The following MDGA2 variants were observed in gnomAD, a reference collection of about 807,000 sequenced individuals.
MDGA2 encodes MAM domain-containing glycosylphosphatidylinositol anchor protein 2.
Under a neutral mutation model 117.8 loss-of-function variants are expected in MDGA2, and 40 were observed. The ratio of observed to expected loss-of-function variants is 0.34; its 90% confidence interval spans 0.26 to 0.44. The LOEUF (loss-of-function observed/expected upper bound fraction) is 0.44. Ranked by LOEUF, MDGA2 falls within the 20% of genes least tolerant of loss-of-function variation. The pLI is 1.00. For synonymous variants in MDGA2, 452 were observed against 439.0 expected, an observed-to-expected ratio of 1.03 and a Z score of -0.37; for missense variants, 1,123 against 1,250.6, an observed-to-expected ratio of 0.90 and a Z score of 1.54.
intron 1 of MDGA2, among the ~76,000 whole-genome samples, chr14:47,308,502 GTTT>G (rs68070912): frequency 8.9e-5 from 10 of 112,914 alleles, no homozygotes; most frequent in Admixed American, 1.9e-4. Flanking sequence ...CTTTCTGTTA[GTTT>G]TTTTTTTTTT....
chr14:47,373,838 G>A (rs1452530062), intron 1 of MDGA2, among the ~76,000 whole-genome samples: 3 of 152,150 alleles, frequency 2.0e-5, no homozygotes, highest in African/African-American at 2.4e-5. Context: ...AATACTCGAT[G>A]TAGCTGAAAG....
chr14:47,609,559 G>A (rs1896810649), intron 1 of MDGA2, among the ~76,000 whole-genome samples: 1 of 148,868 alleles, frequency 6.7e-6, no homozygotes, highest in Non-Finnish European at 1.5e-5. Flanking sequence ...GTGTGTGCTA[G>A]TATCTTTTTT....
intron 2 of MDGA2, among the ~76,000 whole-genome samples, chr14:47,249,881 A>C (rs1887387324): frequency 6.6e-6 from 1 of 152,232 alleles, no homozygotes; most frequent in African/African-American, 2.4e-5. Context: ...TGATAACTAG[A>C]GAAGGTAATA....
intron 9 of MDGA2, among the ~76,000 whole-genome samples, chr14:46,952,072 C>A (rs1284672308): frequency 6.6e-6 from 1 of 151,756 alleles, no homozygotes; most frequent in East Asian, 1.9e-4. Context: ...AACCATAGTT[C>A]AAGGATTTTC....
intron 1 of MDGA2, among the ~76,000 whole-genome samples, chr14:47,575,985 T>G (rs1048053044): frequency 6.6e-6 from 1 of 152,208 alleles, no homozygotes; most frequent in Non-Finnish European, 1.5e-5. Flanking sequence ...CTATTATATA[T>G]ATTCCTTTAT....
intron 3 of MDGA2, among the ~76,000 whole-genome samples, chr14:47,179,401 A>G (rs972687879): frequency 7.2e-5 from 11 of 151,896 alleles, no homozygotes; most frequent in Admixed American, 4.6e-4. Flanking sequence ...AAACATCCTC[A>G]TTTTTTTCAT....
chr14:47,594,948 C>T (rs1222806088), intron 1 of MDGA2, among the ~76,000 whole-genome samples: 5 of 152,126 alleles, frequency 3.3e-5, no homozygotes, highest in Non-Finnish European at 7.4e-5. Context: ...AACCTTTTGG[C>T]CTTTATTAGT....
chr14:47,112,308 G>A (rs1393538342), intron 5 of MDGA2, among the ~76,000 whole-genome samples: 7 of 152,100 alleles, frequency 4.6e-5, no homozygotes, highest in Non-Finnish European at 1.0e-4. Flanking sequence ...ATAGGTAAAC[G>A]TGTGCCATGG....
At chr14:47,434,060 A>G (rs1431327085) in intron 1 of MDGA2, among the ~76,000 whole-genome samples, 1 of 152,100 alleles carries the variant, frequency 6.6e-6, no homozygotes, top group Non-Finnish European at 1.5e-5. Context: ...TCATATCTGA[A>G]AAAAGTCACT....
chr14:47,049,927 CT>C (rs1889396971), intron 7 of MDGA2, among the ~76,000 whole-genome samples: 1 of 152,006 alleles, frequency 6.6e-6, no homozygotes, highest in South Asian at 2.1e-4. Flanking sequence ...TTTTCTAAAG[CT>C]TTTGGCCCTG....
chr14:47,533,062 T>A (rs1225824912), intron 1 of MDGA2, among the ~76,000 whole-genome samples: 1 of 152,196 alleles, frequency 6.6e-6, no homozygotes, highest in Admixed American at 6.5e-5. Context: ...AATCCTGGGA[T>A]TATTTATTTC....
chr14:47,443,424 A>G (rs1298645726), intron 1 of MDGA2, among the ~76,000 whole-genome samples: 2 of 152,132 alleles, frequency 1.3e-5, no homozygotes, highest in African/African-American at 4.8e-5. Context: ...GAACTACTAT[A>G]TGACACTAGG....
rs1882453998 is a variant in MDGA2, at chr14:47,136,308, T to C, written c.793-4462A>G. Among the ~76,000 whole-genome samples, 4 of 151,170 alleles carry C rather than the reference T, an allele frequency of 2.6e-5. No homozygotes were observed. In the South Asian group the frequency reaches 8.4e-4, roughly 32 times the overall value. On this transcript the variant is annotated intron_variant, in intron 4 of 16. Transcript: ENST00000399232. ...TGCCTCCAGGTTCAAGCGATTCCCA[T>C]GCTTCAGCCTCCCAAGTAGCTGGGA...
chr14:47,379,512 G>A lies in MDGA2; in HGVS notation c.281-77962C>T, dbSNP rs1018473179. Reference sequence around the variant, plus strand: ...AGACACACATAGGCTCAAAATAAAGGGATGGAGGAAGATCTACCAAGCAAA... The same window carrying A: ...AGACACACATAGGCTCAAAATAAAGAGATGGAGGAAGATCTACCAAGCAAA... On this transcript the variant is annotated intron_variant, in intron 1 of 16. Coordinates refer to ENST00000399232, the MANE Select transcript of MDGA2 (RefSeq NM_001113498.3). 3.3e-5 allele frequency among the ~76,000 whole-genome samples: 5 copies of A among 152,142 alleles called. No homozygotes were observed. The East Asian group carries it at 9.7e-4, about 29-fold the overall frequency.
chr14:47,000,367 A>G (rs1416940271), intron 8 of MDGA2, among the ~76,000 whole-genome samples: 1 of 103,680 alleles, frequency 9.6e-6, no homozygotes, highest in Non-Finnish European at 1.8e-5. Context: ...ATATATATGT[A>G]TATATATATT....
At chr14:47,304,002 C>G (rs1889364188) in intron 1 of MDGA2, among the ~76,000 whole-genome samples, 2 of 152,126 alleles carry the variant, frequency 1.3e-5, no homozygotes, top group South Asian at 4.1e-4. Flanking sequence ...ATAACACATT[C>G]TTGGAAAAGG....
chr14:47,586,053 G>A (rs1333375402), intron 1 of MDGA2, among the ~76,000 whole-genome samples: 1 of 151,794 alleles, frequency 6.6e-6, no homozygotes, highest in Non-Finnish European at 1.5e-5. Context: ...TTACCAGAAC[G>A]GGAAAGGAGG....
intron 10 of MDGA2, among the ~76,000 whole-genome samples, chr14:46,903,330 G>A (rs1053864036): frequency 3.3e-5 from 5 of 152,234 alleles, no homozygotes; most frequent in African/African-American, 1.2e-4. Context: ...GTTGTTTCAT[G>A]TCAAGAAGCA....
intron 3 of MDGA2, among the ~76,000 whole-genome samples, chr14:47,212,643 G>T (rs1356249191): frequency 1.3e-5 from 2 of 152,030 alleles, no homozygotes; most frequent in African/African-American, 4.8e-5. Flanking sequence ...TTACAGAAAG[G>T]AAGCATTTAA....
Sources: allele counts gnomAD v4.1 joint callset (sites outside exome capture counted in the v4.1 genomes callset), GRCh38; gene constraint gnomAD v4.1.1; transcripts MANE v1.5; gene names NCBI Gene and HGNC (gene_info 2026-07-23, HGNC 2026-07-21).